The following CNTN4 variants were observed in gnomAD, a reference collection of about 807,000 sequenced individuals.
The protein encoded by CNTN4 is contactin 4.
A neutral mutation model predicts 122.5 loss-of-function variants in CNTN4; 77 were observed. The observed-to-expected ratio is 0.63, with a 90% confidence interval of 0.52 to 0.76. The LOEUF is 0.76. CNTN4 is among the 30% of genes least tolerant of loss of function. The pLI is 0.00. For missense variants in CNTN4, 1,256 were observed against 1,259.1 expected (o/e 1.00, Z 0.04); for synonymous variants, 512 against 447.0 (o/e 1.15, Z -1.83).
At chr3:2,720,811 T>G (rs1368675294) in intron 4 of CNTN4, among the ~76,000 whole-genome samples, 1 of 152,204 alleles carries the variant, frequency 6.6e-6, no homozygotes, top group Non-Finnish European at 1.5e-5. Flanking sequence ...ATTAAGGGAT[T>G]TAACACTTAC....
intron 3 of CNTN4, among the ~76,000 whole-genome samples, chr3:2,375,998 T>C (rs2045801945): frequency 6.6e-6 from 1 of 152,140 alleles, no homozygotes; most frequent in African/African-American, 2.4e-5. Context: ...TTCTCTGACT[T>C]TGCCATTTAT....
chr3:2,805,275 A>T (rs1214069655), intron 6 of CNTN4, among the ~76,000 whole-genome samples: 1 of 152,210 alleles, frequency 6.6e-6, no homozygotes, highest in African/African-American at 2.4e-5. Flanking sequence ...CAAGTGCCAC[A>T]TGAGCTTTGT....
At chr3:3,045,049 A>G (rs1047553284) in intron 23 of CNTN4, among the ~76,000 whole-genome samples, 5 of 152,206 alleles carry the variant, frequency 3.3e-5, no homozygotes, top group Non-Finnish European at 7.3e-5. Flanking sequence ...CTAGCACAGC[A>G]GTCTGAGATC....
chr3:2,736,236 C>T lies in CNTN4; in HGVS notation c.77C>T (p.Pro26Leu), dbSNP rs146175469. 9.3e-6 allele frequency: 15 copies of T among 1,613,370 alleles called. No homozygotes were observed. The highest frequency in any genetic ancestry group is 2.2e-5 in the East Asian group (1 of 44,790). Residue 26 changes from proline (P) to leucine (L), a missense_variant, in exon 5 of 25, where the codon CCG (proline) becomes CTG (leucine). By Grantham distance (98) the Pro-to-Leu change is moderately conservative. Coordinates refer to ENST00000418658, the MANE Select transcript of CNTN4 (RefSeq NM_175607.3). ...TCAGATGATTCCACACTGCATGGCC[C>T]GATTTTTATTCAAGAACCAAGTCCT... ...CLADDSTLHG[P>L]IFIQEPSPVM...
chr3:2,380,116 C>T (rs188680018), intron 3 of CNTN4, among the ~76,000 whole-genome samples: 260 of 151,186 alleles, frequency 1.7e-3, no homozygotes, highest in Non-Finnish European at 2.9e-3. Context: ...TACTGTGTCT[C>T]TTGGTATAAG....
At chr3:2,643,189 T>C (rs1402195846) in intron 4 of CNTN4, among the ~76,000 whole-genome samples, 1 of 152,198 alleles carries the variant, frequency 6.6e-6, no homozygotes, top group Non-Finnish European at 1.5e-5. Context: ...TATTTGTTTG[T>C]TTGAGATGGA....
In CNTN4 at chr3:3,012,568, A is replaced by C. The variant is rs564025468; in HGVS notation, c.1487-13534A>C. 4.6e-5 allele frequency among the ~76,000 whole-genome samples: 7 copies of C among 151,456 alleles called. No individual in the cohort carries two copies. The South Asian group carries it at 1.0e-3, about 23-fold the overall frequency. On this transcript the variant is annotated intron_variant, in intron 14 of 24. Coordinates refer to ENST00000418658, the MANE Select transcript of CNTN4 (RefSeq NM_175607.3). ...GGGTTCATGCAGTTCTCCTGCCTCAACCTCCCAAGTAGCTGGGATTACAGA... is the reference window on the plus strand; with the variant it reads ...GGGTTCATGCAGTTCTCCTGCCTCACCCTCCCAAGTAGCTGGGATTACAGA...
chr3:2,144,474 C>A (rs2035149879), intron 2 of CNTN4, among the ~76,000 whole-genome samples: 1 of 152,254 alleles, frequency 6.6e-6, no homozygotes, highest in South Asian at 2.1e-4. Context: ...AAGAATTGTT[C>A]TTATTGTGGA....
chr3:2,162,473 T>C (rs953594348), intron 2 of CNTN4, among the ~76,000 whole-genome samples: 2 of 152,138 alleles, frequency 1.3e-5, no homozygotes, highest in South Asian at 4.1e-4. Context: ...TCAAATAATA[T>C]AGGAGGGAAA....
intron 3 of CNTN4, chr3:2,511,729 C>CGTAG (rs1377675659): frequency 5.3e-5 from 8 of 152,214 alleles, no homozygotes; most frequent in Non-Finnish European, 8.8e-5. Flanking sequence ...CCTCTTTCTC[C>CGTAG]CTACAGCTCC....
At chr3:2,560,118 GTTATTA>G (rs932125404) in intron 3 of CNTN4, among the ~76,000 whole-genome samples, 3 of 150,842 alleles carry the variant, frequency 2.0e-5, no homozygotes, top group South Asian at 4.2e-4. Flanking sequence ...CACTTATATT[GTTATTA>G]TTATTATTCT....
intron 6 of CNTN4, among the ~76,000 whole-genome samples, chr3:2,759,986 CTTCTAT>C (rs1454687835): frequency 3.2e-4 from 48 of 152,128 alleles, no homozygotes; most frequent in African/African-American, 1.1e-3. Flanking sequence ...TTTGGAGACA[CTTCTAT>C]TCAAATCCTT....
chr3:2,311,092 A>G (rs1222846780), intron 2 of CNTN4, among the ~76,000 whole-genome samples: 1 of 152,114 alleles, frequency 6.6e-6, no homozygotes, highest in Non-Finnish European at 1.5e-5. Flanking sequence ...ATAAAAACAC[A>G]CCTACCTTTC....
chr3:3,002,522 G>T (rs55689124), intron 14 of CNTN4, among the ~76,000 whole-genome samples: 13,032 of 152,150 alleles, frequency 0.086, 733 homozygotes, highest in African/African-American at 0.16. Flanking sequence ...CTTGAGATAT[G>T]ACCTACTTTT....
intron 3 of CNTN4, among the ~76,000 whole-genome samples, chr3:2,464,385 G>T (rs980792085): frequency 6.6e-6 from 1 of 152,202 alleles, no homozygotes; most frequent in African/African-American, 2.4e-5. Flanking sequence ...TGTGCAACTA[G>T]CACTTGTGTA....
intron 2 of CNTN4, among the ~76,000 whole-genome samples, chr3:2,158,056 C>T (rs774839304): frequency 6.6e-6 from 1 of 151,880 alleles, no homozygotes; most frequent in Non-Finnish European, 1.5e-5. Context: ...TTAATAGAAG[C>T]TTCCAGGATT....
chr3:2,173,543 G>C (rs745506773), intron 2 of CNTN4, among the ~76,000 whole-genome samples: 67 of 152,306 alleles, frequency 4.4e-4, no homozygotes, highest in Non-Finnish European at 5.1e-4. Flanking sequence ...ATATCAAACT[G>C]TTAATGGATA....
At chr3:2,368,493 G>A (rs933053913) in intron 3 of CNTN4, among the ~76,000 whole-genome samples, 2 of 152,064 alleles carry the variant, frequency 1.3e-5, no homozygotes, top group African/African-American at 4.8e-5. Flanking sequence ...CTATGTGCAA[G>A]TTCTCTTGCT....
intron 2 of CNTN4, among the ~76,000 whole-genome samples, chr3:2,128,693 T>C (rs1368424522): frequency 6.6e-6 from 1 of 152,220 alleles, no homozygotes; most frequent in East Asian, 1.9e-4. Flanking sequence ...GTAAATTCAG[T>C]GCAAGGGGAT....
Sources: allele counts gnomAD v4.1 joint callset (sites outside exome capture counted in the v4.1 genomes callset), GRCh38; gene constraint gnomAD v4.1.1; transcripts MANE v1.5; gene names NCBI Gene and HGNC (gene_info 2026-07-23, HGNC 2026-07-21).